The following LRRC4C variants were observed in gnomAD, a reference collection of about 807,000 sequenced individuals.
LRRC4C encodes the protein leucine-rich repeat-containing protein 4C.
In LRRC4C, 5 loss-of-function variants were observed where a neutral mutation model predicts 33.6. The observed-to-expected ratio is 0.15, with a 90% CI of 0.08 to 0.31. The LOEUF is 0.31. Among genes scored for constraint, LRRC4C ranks in the 10% least tolerant of loss-of-function variants. The pLI is 1.00. For missense variants in LRRC4C, 560 were observed against 796.7 expected (o/e 0.70, Z 3.58); for synonymous variants, 329 against 302.0 (o/e 1.09, Z -0.93).
intron 3 of LRRC4C, among the ~76,000 whole-genome samples, chr11:40,466,558 CT>C (rs751956836): frequency 1.3e-5 from 2 of 151,586 alleles, no homozygotes; most frequent in Non-Finnish European, 2.9e-5. Context: ...ATACTTTTTC[CT>C]TTAATTCTTA....
chr11:40,967,839 A>G (rs1046436539), intron 1 of LRRC4C, among the ~76,000 whole-genome samples: 40 of 151,646 alleles, frequency 2.6e-4, no homozygotes, highest in Non-Finnish European at 4.1e-4. Context: ...ATAATATATG[A>G]TAATTTAAAT....
At chr11:40,295,209 T>G (rs1272991671) in intron 4 of LRRC4C, among the ~76,000 whole-genome samples, 2 of 152,218 alleles carry the variant, frequency 1.3e-5, no homozygotes, top group African/African-American at 4.8e-5. Flanking sequence ...CTCCAATGTA[T>G]AATTTTCATA....
At chr11:41,328,285 C>T (rs1210258125) in intron 1 of LRRC4C, among the ~76,000 whole-genome samples, 2 of 152,302 alleles carry the variant, frequency 1.3e-5, no homozygotes, top group South Asian at 2.1e-4. Context: ...GAGGAGTGCT[C>T]CCCCTCCCAA....
At chr11:40,192,579 C>T (rs1023098583) in intron 5 of LRRC4C, among the ~76,000 whole-genome samples, 1 of 152,106 alleles carries the variant, frequency 6.6e-6, no homozygotes, top group East Asian at 1.9e-4. Context: ...TACCCAGTGG[C>T]ACCTGGAACA....
At chr11:41,016,509 G>GT (rs1182524236) in intron 1 of LRRC4C, among the ~76,000 whole-genome samples, 6 of 152,098 alleles carry the variant, frequency 3.9e-5, no homozygotes, top group Admixed American at 3.9e-4. Flanking sequence ...TTGAACAGAT[G>GT]TTTTCCCTTT....
chr11:40,913,138 T>C (rs1393226320), intron 2 of LRRC4C, among the ~76,000 whole-genome samples: 1 of 152,062 alleles, frequency 6.6e-6, no homozygotes, highest in Non-Finnish European at 1.5e-5. Flanking sequence ...GACAGATCAA[T>C]GAGACAGAAA....
intron 3 of LRRC4C, among the ~76,000 whole-genome samples, chr11:40,423,028 G>A (rs1950575423): frequency 6.6e-6 from 1 of 152,068 alleles, no homozygotes; most frequent in South Asian, 2.1e-4. Context: ...TATTACCTAT[G>A]TCTATTTTGT....
intron 1 of LRRC4C, among the ~76,000 whole-genome samples, chr11:41,221,114 A>C (rs1224370359): frequency 6.6e-6 from 1 of 152,004 alleles, no homozygotes; most frequent in South Asian, 2.1e-4. Context: ...CCCATTAGTT[A>C]TTTTTTCTGA....
chr11:40,243,341 C>T, intron 4 of LRRC4C, among the ~76,000 whole-genome samples: 1 of 152,116 alleles, frequency 6.6e-6, no homozygotes, highest in African/African-American at 2.4e-5. Context: ...CTATCACTGG[C>T]TAAGAATATA....
At chr11:41,380,755 A>G (rs1245163161) in intron 1 of LRRC4C, among the ~76,000 whole-genome samples, 1 of 152,214 alleles carries the variant, frequency 6.6e-6, no homozygotes, top group African/African-American at 2.4e-5. Context: ...ACAACTTCAA[A>G]GGGAGTACGT....
chr11:40,461,213 G>A (rs748861341), intron 3 of LRRC4C, among the ~76,000 whole-genome samples: 4 of 152,152 alleles, frequency 2.6e-5, no homozygotes, highest in Non-Finnish European at 5.9e-5. Context: ...TGAGAACTCA[G>A]AAGCACTGAA....
chr11:40,936,765 A>C (rs1957921813), intron 1 of LRRC4C, among the ~76,000 whole-genome samples: 1 of 152,182 alleles, frequency 6.6e-6, no homozygotes, highest in Non-Finnish European at 1.5e-5. Context: ...AAAATATAAA[A>C]ACAGAAACAG....
intron 2 of LRRC4C, among the ~76,000 whole-genome samples, chr11:40,707,986 AGTTT>A (rs1260891737): frequency 6.6e-6 from 1 of 152,122 alleles, no homozygotes; most frequent in Non-Finnish European, 1.5e-5. Context: ...TAGATTTTCT[AGTTT>A]GTTTGCACAG....
chr11:40,464,985 A>T (rs2138224021), intron 3 of LRRC4C, among the ~76,000 whole-genome samples: 1 of 152,170 alleles, frequency 6.6e-6, no homozygotes, highest in Middle Eastern at 3.4e-3. Flanking sequence ...ATATGGAACC[A>T]AAAAAGCACC....
chr11:40,357,969 G>C (rs1368493920), intron 3 of LRRC4C, among the ~76,000 whole-genome samples: 2 of 152,074 alleles, frequency 1.3e-5, no homozygotes, highest in Non-Finnish European at 2.9e-5. Flanking sequence ...TGGATCATGA[G>C]GTCAGGAGAT....
intron 3 of LRRC4C, among the ~76,000 whole-genome samples, chr11:40,450,963 G>C (rs1219498624): frequency 2.0e-5 from 3 of 151,772 alleles, no homozygotes; most frequent in Admixed American, 6.6e-5. Flanking sequence ...CTTGAGGTAA[G>C]TGAAAATGAA....
chr11:40,479,760 T>C (rs539598965), intron 3 of LRRC4C, among the ~76,000 whole-genome samples: 6 of 152,076 alleles, frequency 3.9e-5, no homozygotes, highest in Admixed American at 3.3e-4. Flanking sequence ...AAGATTTTCA[T>C]TAAAAAAATC....
chr11:41,004,898 T>C (rs1375328284), intron 1 of LRRC4C, among the ~76,000 whole-genome samples: 1 of 152,088 alleles, frequency 6.6e-6, no homozygotes, highest in Non-Finnish European at 1.5e-5. Flanking sequence ...ATCCTAACTA[T>C]CATGGATGCT....
chr11:40,185,784 C>A (rs1455294315), intron 5 of LRRC4C, among the ~76,000 whole-genome samples: 1 of 152,112 alleles, frequency 6.6e-6, no homozygotes, highest in Non-Finnish European at 1.5e-5. Context: ...TGAGGTCTTG[C>A]ATGAGGATGG....
Sources: gnomAD v4.1 joint callset for allele counts (sites outside exome capture counted in the v4.1 genomes callset) on GRCh38, gnomAD v4.1.1 for gene constraint, MANE v1.5 for transcripts, NCBI Gene and HGNC (gene_info 2026-07-23, HGNC 2026-07-21) for gene names.